The following CABLES1 variants were observed in gnomAD, a reference collection of about 807,000 sequenced individuals.
CABLES1 encodes CDK5 and ABL1 enzyme substrate 1.
CABLES1 carries 36 observed loss-of-function variants against 57.8 expected under a neutral mutation model. The ratio of observed to expected loss-of-function variants is 0.62; its 90% CI spans 0.48 to 0.82. The LOEUF (loss-of-function observed/expected upper bound fraction) is 0.82, where lower values mean the gene tolerates loss of function less well. CABLES1 is among the 40% of genes least tolerant of loss of function. The probability of loss-of-function intolerance (pLI) is 0.00; values close to 1 mark genes in which losing one functional copy is unlikely to be tolerated. For missense variants in CABLES1, 767 were observed against 836.6 expected (o/e 0.92, Z 1.03); for synonymous variants, 374 against 363.0 (o/e 1.03, Z -0.35).
At chr18:23,243,808 G>A (rs1206727088) in intron 7 of CABLES1, among the ~76,000 whole-genome samples, 2 of 149,908 alleles carry the variant, frequency 1.3e-5, no homozygotes, top group Non-Finnish European at 3.0e-5. Context: ...GGAGGCAGAG[G>A]TTGCAGTGAG....
intron 3 of CABLES1, chr18:23,197,423 ATC>A (rs2047292417): frequency 6.6e-6 from 1 of 151,944 alleles, no homozygotes; most frequent in Non-Finnish European, 1.5e-5. Flanking sequence ...AACTCTCTTC[ATC>A]TCTCTGGCGT....
intron 1 of CABLES1, among the ~76,000 whole-genome samples, chr18:23,160,637 A>G (rs2046997257): frequency 6.6e-6 from 1 of 152,210 alleles, no homozygotes; most frequent in Non-Finnish European, 1.5e-5. Flanking sequence ...TGTACTTTGC[A>G]GGAGTCCACA....
chr18:23,187,292 C>T (rs546450675), intron 1 of CABLES1, among the ~76,000 whole-genome samples: 15 of 152,280 alleles, frequency 9.9e-5, no homozygotes, highest in African/African-American at 3.6e-4. Context: ...ACACAGAGGG[C>T]GATGTGTGTG....
rs915459047 is a variant in CABLES1, at chr18:23,257,402, C to T, written c.*35C>T. The T allele has an allele frequency of 2.6e-6, 4 of 1,554,704 alleles. No individual in the cohort carries two copies. Among genetic ancestry groups the T allele is most frequent in the Non-Finnish European group, 3.5e-6 (4 of 1,156,528 alleles). Reference sequence around the variant, plus strand: ...CGAGGACAGCCAAGGGCCATTTCTTCTCAGCTTGGTGGAGCAGCACTTACT... The same window carrying T: ...CGAGGACAGCCAAGGGCCATTTCTTTTCAGCTTGGTGGAGCAGCACTTACT... On this transcript the variant is annotated 3_prime_UTR_variant, in exon 10 of 10. Coordinates refer to ENST00000256925, the MANE Select transcript of CABLES1 (RefSeq NM_001100619.3).
At chr18:23,202,023 C>T (rs201465351) in intron 3 of CABLES1, among the ~76,000 whole-genome samples, 4 of 151,312 alleles carry the variant, frequency 2.6e-5, no homozygotes, top group African/African-American at 4.9e-5. Flanking sequence ...TAGGAAAGCC[C>T]GCATGGTGGA....
intron 1 of CABLES1, among the ~76,000 whole-genome samples, chr18:23,156,154 G>A (rs142305298): frequency 1.4e-3 from 215 of 152,302 alleles, no homozygotes; most frequent in African/African-American, 4.7e-3. Flanking sequence ...ACAGAGGGGG[G>A]GCTCCATGGA....
In CABLES1 at chr18:23,258,466, C is replaced by T. The variant is rs950968823; in HGVS notation, c.*1099C>T. On this transcript the variant is annotated 3_prime_UTR_variant, in exon 10 of 10. Transcript: ENST00000256925. ...CGGTGGCTCTTTCTTAACATTCCCA[C>T]GTGCCCAGGGCTGTTCATGCAAGAT... The T allele has an allele frequency of 3.3e-5, 5 of 152,182 alleles. No individual in the cohort carries two copies. The highest frequency in any genetic ancestry group is 2.4e-5 in the African/African-American group (1 of 41,446). The allele number at this position is 152,182 out of a possible 1,614,324, so 9.4% of individuals were successfully genotyped here. A position where few individuals can be genotyped will look rare whatever the true frequency, so the allele number is the denominator to read the frequency against.
At position 23,152,864 on chromosome 18, in the gene CABLES1, T is replaced by C. The variant is rs916703367; in HGVS notation, c.845+16257T>C. ...TTGCCCAGGCTGGAGTGCAATGGCGTGATCTTGGCTCACTACAACCTCCAC... is the reference window on the plus strand; with the variant it reads ...TTGCCCAGGCTGGAGTGCAATGGCGCGATCTTGGCTCACTACAACCTCCAC... On this transcript the variant is annotated intron_variant, in intron 1 of 9. Coordinates refer to ENST00000256925, the MANE Select transcript of CABLES1 (RefSeq NM_001100619.3). Among the ~76,000 whole-genome samples the C allele has an allele frequency of 4.7e-5, 7 of 149,168 alleles. No homozygotes were observed. In the East Asian group the frequency reaches 1.4e-3, roughly 30 times the overall value.
At chr18:23,227,347 C>G (rs745716759) in intron 4 of CABLES1, among the ~76,000 whole-genome samples, 1 of 152,204 alleles carries the variant, frequency 6.6e-6, no homozygotes, top group African/African-American at 2.4e-5. Context: ...CACACAGAGA[C>G]AGATTCTGGA....
chr18:23,166,322 C>A (rs944467923), intron 1 of CABLES1, among the ~76,000 whole-genome samples: 3 of 151,944 alleles, frequency 2.0e-5, no homozygotes, highest in African/African-American at 7.3e-5. Context: ...CTGCCTCAGC[C>A]CTCCCAAGTA....
chr18:23,247,529 C>T (rs928909543), intron 7 of CABLES1, among the ~76,000 whole-genome samples: 3 of 152,196 alleles, frequency 2.0e-5, no homozygotes, highest in South Asian at 2.1e-4. Flanking sequence ...TGCAGCTGAG[C>T]GGGAGCAGGA....
intron 1 of CABLES1, among the ~76,000 whole-genome samples, chr18:23,171,221 T>G (rs1395108425): frequency 1.3e-5 from 2 of 152,240 alleles, no homozygotes; most frequent in Non-Finnish European, 2.9e-5. Flanking sequence ...CCATTCTTGT[T>G]CCCGTAACAC....
At chr18:23,156,721 A>G (rs994833834) in intron 1 of CABLES1, among the ~76,000 whole-genome samples, 3 of 152,094 alleles carry the variant, frequency 2.0e-5, no homozygotes, top group African/African-American at 4.8e-5. Context: ...CTAATTTAAT[A>G]TATATTATTG....
intron 9 of CABLES1, 23 bp from the exon 10 acceptor site, chr18:23,257,204 T>A: frequency 6.2e-7 from 1 of 1,606,818 alleles, no homozygotes; most frequent in Non-Finnish European, 8.5e-7. Context: ...ATGAACATGC[T>A]TTTGATTTTC....
intron 4 of CABLES1, among the ~76,000 whole-genome samples, chr18:23,221,625 C>T (rs928203826): frequency 2.6e-5 from 4 of 152,224 alleles, no homozygotes; most frequent in African/African-American, 9.7e-5. Flanking sequence ...CATGGAAGTG[C>T]TGTTGACGCT....
chr18:23,239,368 A>G (rs116151389), intron 7 of CABLES1, among the ~76,000 whole-genome samples: 159 of 152,344 alleles, frequency 1.0e-3, no homozygotes, highest in Middle Eastern at 3.4e-3. Context: ...CTGGAGACCT[A>G]TGTTTCCTAT....
chr18:23,137,413 G>A (rs1234519816), intron 1 of CABLES1, among the ~76,000 whole-genome samples: 1 of 152,222 alleles, frequency 6.6e-6, no homozygotes. Context: ...GGGACTGTGT[G>A]AACTGAAGCT....
intron 4 of CABLES1, 29 bp from the exon 5 acceptor site, chr18:23,234,578 AT>A (rs11430114): frequency 1.1e-4 from 168 of 1,533,802 alleles, no homozygotes; most frequent in Middle Eastern, 1.7e-4. Flanking sequence ...ACACAAAAGC[AT>A]TTTTTTTTCC....
Position 23,214,420 on chromosome 18 carries a change from A to G in CABLES1, c.1088+366A>G, listed in dbSNP as rs1598833727. 3.9e-5 allele frequency among the ~76,000 whole-genome samples: 6 copies of G among 152,066 alleles called. No individual in the cohort carries two copies. The South Asian group carries it at 1.3e-3, about 32-fold the overall frequency. On this transcript the variant is annotated intron_variant, in intron 4 of 9. Coordinates refer to ENST00000256925, the MANE Select transcript of CABLES1 (RefSeq NM_001100619.3). ...TCAGAACAAACCCTGTGACCATTCC[A>G]CCTCCTTGCATCTTGGGCTTGGGTT...
Sources: gnomAD v4.1 joint callset for allele counts (sites outside exome capture counted in the v4.1 genomes callset) on GRCh38, gnomAD v4.1.1 for gene constraint, MANE v1.5 for transcripts, NCBI Gene and HGNC (gene_info 2026-07-23, HGNC 2026-07-21) for gene names.